MCPH1: variants seen among roughly 807,000 people sequenced by gnomAD.
MCPH1 encodes the protein microcephalin.
In MCPH1, 104 loss-of-function variants were observed where a neutral mutation model predicts 84.5. That is an observed-to-expected ratio of 1.23 (90% CI 1.05 to 1.45). MCPH1 has a LOEUF of 1.45. Among genes scored for constraint, MCPH1 ranks in the 40% most tolerant of loss-of-function variants. The pLI, the probability that MCPH1 is intolerant of heterozygous loss-of-function variation, is 0.00. For missense variants in MCPH1, 1,498 were observed against 1,005.7 expected, an observed-to-expected ratio of 1.49 and a Z score of -6.62; for synonymous variants, 514 against 366.8, an observed-to-expected ratio of 1.40 and a Z score of -4.58.
At chr8:6,524,437 A>G (rs1817957435) in intron 12 of MCPH1, among the ~76,000 whole-genome samples, 2 of 152,322 alleles carry the variant, frequency 1.3e-5, no homozygotes, top group Admixed American at 6.5e-5. Context: ...TGAACCGGCC[A>G]TTTAACACTG....
chr8:6,614,261 G>A (rs930677728), intron 12 of MCPH1, among the ~76,000 whole-genome samples: 17 of 152,310 alleles, frequency 1.1e-4, no homozygotes, highest in African/African-American at 3.6e-4. Flanking sequence ...AAGCTTGGCC[G>A]CTCGGACAGG....
chr8:6,598,519 G>A (rs1829099502), intron 12 of MCPH1, among the ~76,000 whole-genome samples: 1 of 152,294 alleles, frequency 6.6e-6, no homozygotes, highest in Middle Eastern at 3.4e-3. Flanking sequence ...CTCCGCAGAG[G>A]AAGGAGTGGG....
At chr8:6,485,648 C>T (rs1809796777) in intron 11 of MCPH1, among the ~76,000 whole-genome samples, 2 of 152,022 alleles carry the variant, frequency 1.3e-5, no homozygotes, top group Non-Finnish European at 1.5e-5. Flanking sequence ...CTGTATTGCC[C>T]TTGCCTTACT....
intron 11 of MCPH1, among the ~76,000 whole-genome samples, chr8:6,494,858 A>G (rs1190847238): frequency 6.6e-6 from 1 of 152,224 alleles, no homozygotes; most frequent in Non-Finnish European, 1.5e-5. Flanking sequence ...ATAAAATGCC[A>G]TTGAATTGCA....
rs1797935160 is a variant in MCPH1 at position 6,641,515 on chromosome 8, AG to A, written c.2453-1477del. Reference sequence around the variant, plus strand: ...CCAGCATTTTGGAAGACTGAGGCACAGGAAGATTGCTTGAGCCCAGGAGTTC... The same window carrying A: ...CCAGCATTTTGGAAGACTGAGGCACAGAAGATTGCTTGAGCCCAGGAGTTC... On this transcript the variant is annotated intron_variant, in intron 13 of 13. Transcript: ENST00000344683. Among the ~76,000 whole-genome samples the A allele has an allele frequency of 1.3e-5, 2 of 152,228 alleles. 1 individual carries two copies. Among genetic ancestry groups the A allele is most frequent in the South Asian group, 4.1e-4 (2 of 4,838 alleles).
chr8:6,577,052 T>C (rs1827185170), intron 12 of MCPH1, among the ~76,000 whole-genome samples: 1 of 152,150 alleles, frequency 6.6e-6, no homozygotes, highest in Non-Finnish European at 1.5e-5. Flanking sequence ...GCCACTGGAA[T>C]TACGCTCTGG....
chr8:6,421,197 C>G (rs929191614), intron 3 of MCPH1, among the ~76,000 whole-genome samples: 33 of 152,306 alleles, frequency 2.2e-4, no homozygotes, highest in African/African-American at 7.9e-4. Flanking sequence ...GAAATGGCCT[C>G]TCCCTGGCGT....
At chr8:6,411,300 T>G (rs368798509) in intron 2 of MCPH1, among the ~76,000 whole-genome samples, 2 of 152,152 alleles carry the variant, frequency 1.3e-5, no homozygotes, top group African/African-American at 4.8e-5. Context: ...TTTTATCTTA[T>G]AAGGAAGCCA....
chr8:6,615,004 T>C (rs1464416206), intron 12 of MCPH1, among the ~76,000 whole-genome samples: 1 of 152,160 alleles, frequency 6.6e-6, no homozygotes, highest in Non-Finnish European at 1.5e-5. Context: ...CCTTGTCTGC[T>C]CAGGTTTCTA....
intron 6 of MCPH1, among the ~76,000 whole-genome samples, chr8:6,439,450 G>C (rs1803176246): frequency 6.6e-6 from 1 of 150,600 alleles, no homozygotes; most frequent in Non-Finnish European, 1.5e-5. Context: ...GAGTGCAGTG[G>C]CGCGATCTGG....
At chr8:6,565,973 G>A (rs570380246) in intron 12 of MCPH1, among the ~76,000 whole-genome samples, 1 of 152,150 alleles carries the variant, frequency 6.6e-6, no homozygotes, top group Non-Finnish European at 1.5e-5. Flanking sequence ...AGTAGAGCCG[G>A]AGTTGGCAAA....
intron 12 of MCPH1, among the ~76,000 whole-genome samples, chr8:6,546,605 A>C (rs1450786719): frequency 6.6e-6 from 1 of 152,186 alleles, no homozygotes; most frequent in Non-Finnish European, 1.5e-5. Context: ...GTCAGAACAT[A>C]AATACTTAAA....
chr8:6,559,602 C>G (rs1451821978), intron 12 of MCPH1, among the ~76,000 whole-genome samples: 1 of 152,102 alleles, frequency 6.6e-6, no homozygotes, highest in Non-Finnish European at 1.5e-5. Flanking sequence ...TGTTCATAGA[C>G]TGCAGTTGTT....
intron 12 of MCPH1, among the ~76,000 whole-genome samples, chr8:6,575,923 G>T (rs1827044708): frequency 6.6e-6 from 1 of 151,964 alleles, no homozygotes; most frequent in East Asian, 1.9e-4. Context: ...GCTTCCAGAA[G>T]GAACCAACCC....
chr8:6,611,841 G>A lies in MCPH1; in HGVS notation c.2215-9613G>A, dbSNP rs564048440. On this transcript the variant is annotated intron_variant, in intron 12 of 13. Coordinates refer to ENST00000344683, the MANE Select transcript of MCPH1 (RefSeq NM_024596.5). ...CACCGTGTTAGCCAGGATGGTCTCGGTCTCCTGACCTCGTGATCCACCCAC... is the reference window on the plus strand; with the variant it reads ...CACCGTGTTAGCCAGGATGGTCTCGATCTCCTGACCTCGTGATCCACCCAC... Among the ~76,000 whole-genome samples, 55 of 152,086 alleles carry A rather than the reference G, an allele frequency of 3.6e-4. No individual in the cohort carries two copies. The South Asian group carries it at 5.8e-3, about 16-fold the overall frequency.
intron 13 of MCPH1, chr8:6,642,656 A>C (rs949836080): frequency 2.4e-6 from 1 of 412,600 alleles, no homozygotes; most frequent in Admixed American, 3.5e-5. Context: ...CTAAGATTAG[A>C]AATTCTTGGC....
chr8:6,597,469 G>A (rs1176158148), intron 12 of MCPH1, among the ~76,000 whole-genome samples: 1 of 152,124 alleles, frequency 6.6e-6, no homozygotes, highest in African/African-American at 2.4e-5. Context: ...TGTGCCAAGT[G>A]CCATTGGAAA....
chr8:6,432,055 C>G (rs1257025318), intron 4 of MCPH1, among the ~76,000 whole-genome samples: 3 of 152,212 alleles, frequency 2.0e-5, no homozygotes, highest in African/African-American at 7.2e-5. Context: ...CCACAGATAA[C>G]AAAATCCACT....
chr8:6,479,452 T>G (rs1267119384), intron 10 of MCPH1, among the ~76,000 whole-genome samples: 1 of 141,742 alleles, frequency 7.1e-6, no homozygotes. Context: ...TTATTTATTT[T>G]GAGACAGAGT....
Sources: allele counts gnomAD v4.1 joint callset (sites outside exome capture counted in the v4.1 genomes callset), GRCh38; gene constraint gnomAD v4.1.1; transcripts MANE v1.5; gene names NCBI Gene and HGNC (gene_info 2026-07-23, HGNC 2026-07-21).